LRP1B: variants seen among roughly 807,000 people sequenced by gnomAD.
LRP1B encodes LDL receptor related protein 1B, also known as low-density lipoprotein receptor-related protein 1B.
In LRP1B, 217 loss-of-function variants were observed where a neutral mutation model predicts 556.6. That is an observed-to-expected ratio of 0.39 (90% CI 0.35 to 0.44). The LOEUF is 0.44. Among genes scored for constraint, LRP1B ranks in the 20% least tolerant of loss-of-function variants. LRP1B has a pLI of 1.00. For synonymous variants in LRP1B, 2,047 were observed against 1,865.8 expected (o/e 1.10, Z -2.50); for missense variants, 5,053 against 5,620.8 (o/e 0.90, Z 3.23).
intron 20 of LRP1B, among the ~76,000 whole-genome samples, chr2:140,939,138 G>T (rs985205700): frequency 4.6e-5 from 7 of 152,026 alleles, no homozygotes; most frequent in Non-Finnish European, 8.8e-5. Context: ...TGGATTCTGA[G>T]AGTCTAATCA....
intron 1 of LRP1B, among the ~76,000 whole-genome samples, chr2:142,109,521 G>A (rs569456018): frequency 6.6e-6 from 1 of 152,104 alleles, no homozygotes; most frequent in Admixed American, 6.6e-5. Context: ...CATAACTTGG[G>A]TACTTCTGAT....
At chr2:140,565,346 T>C (rs776175752) in intron 43 of LRP1B, among the ~76,000 whole-genome samples, 5 of 151,882 alleles carry the variant, frequency 3.3e-5, no homozygotes, top group Non-Finnish European at 5.9e-5. Flanking sequence ...TTAACCCATG[T>C]AATAATAAAA....
At chr2:140,691,323 T>C (rs1394169454) in intron 41 of LRP1B, among the ~76,000 whole-genome samples, 2 of 151,826 alleles carry the variant, frequency 1.3e-5, no homozygotes, top group South Asian at 2.1e-4. Flanking sequence ...AATACAAAAT[T>C]AGTCAGGCGT....
chr2:140,979,107 G>C (rs897217804), intron 18 of LRP1B, among the ~76,000 whole-genome samples: 1 of 152,086 alleles, frequency 6.6e-6, no homozygotes, highest in Non-Finnish European at 1.5e-5. Flanking sequence ...AGCCTCTCGA[G>C]TAGCTGGGAT....
intron 6 of LRP1B, among the ~76,000 whole-genome samples, chr2:141,193,821 G>A (rs1214414727): frequency 6.6e-6 from 1 of 151,248 alleles, no homozygotes; most frequent in Non-Finnish European, 1.5e-5. Flanking sequence ...TCTTTTTTAT[G>A]TCATTCTGAA....
intron 41 of LRP1B, among the ~76,000 whole-genome samples, chr2:140,633,699 C>A (rs1433843987): frequency 1.3e-5 from 2 of 151,924 alleles, no homozygotes; most frequent in African/African-American, 2.4e-5. Flanking sequence ...AATATTTAGT[C>A]CCATAAATTT....
rs144454893 is a variant in LRP1B, at chr2:140,487,738, C to A, written c.9122G>T (p.Gly3041Val). ...DGSNYTLLKQGLNNVIAIDFD... is the reference protein window; with the variant it reads ...DGSNYTLLKQVLNNVIAIDFD... ...GTCTATAGCAATAACATTGTTTAAT[C>A]CCTGAAAATAAAAAAGACTATGTTG... The change falls in exon 58 of 91, where the codon GGA becomes GTA. Residue 3041 changes from glycine to valine, a missense_variant and splice_region_variant. Physicochemically the swap from Gly to Val is moderately radical, Grantham distance 109. Transcript: ENST00000389484. 1.3e-5 allele frequency: 20 copies of A among 1,515,712 alleles called. No homozygotes were observed. In the East Asian group the frequency reaches 2.8e-4, roughly 21 times the overall value. 93.9% of individuals were successfully genotyped at this position (1,515,712 alleles called of 1,614,324 possible).
intron 18 of LRP1B, among the ~76,000 whole-genome samples, chr2:140,981,465 C>T (rs12464969): frequency 0.33 from 50,189 of 151,854 alleles, 8,842 homozygotes; most frequent in East Asian, 0.58. Context: ...GAAAGCCTGG[C>T]TCATTCTGTT....
intron 6 of LRP1B, among the ~76,000 whole-genome samples, chr2:141,202,746 A>AT (rs58054121): frequency 0.78 from 118,614 of 151,780 alleles, 47,520 homozygotes; most frequent in Non-Finnish European, 0.86. Flanking sequence ...TTTTTGCCCA[A>AT]TTTTTTTATT....
chr2:141,544,330 TCTTCTTCTTCTTC>T (rs1559131063), intron 2 of LRP1B, among the ~76,000 whole-genome samples: 3 of 43,036 alleles, frequency 7.0e-5, no homozygotes, highest in East Asian at 6.7e-4. Flanking sequence ...TTCTTCTTCT[TCTTCTTCTTCTTC>T]TTCTTCTTCT....
intron 7 of LRP1B, among the ~76,000 whole-genome samples, chr2:141,179,881 G>A (rs1376488503): frequency 7.8e-6 from 1 of 128,594 alleles, no homozygotes; most frequent in Non-Finnish European, 1.6e-5. Context: ...AAAGCTGAAT[G>A]TTGGTTTTTC....
chr2:140,494,401 C>A (rs1688826082), intron 56 of LRP1B, among the ~76,000 whole-genome samples: 1 of 151,800 alleles, frequency 6.6e-6, no homozygotes, highest in Non-Finnish European at 1.5e-5. Flanking sequence ...ACAATGGGCT[C>A]CAATCCTGGT....
chr2:140,392,358 G>C (rs1684060616), intron 66 of LRP1B, among the ~76,000 whole-genome samples: 4 of 152,152 alleles, frequency 2.6e-5, no homozygotes, highest in African/African-American at 7.2e-5. Context: ...GCAGGGGACA[G>C]AAGATCATCC....
chr2:141,418,297 C>A (rs533877768), intron 3 of LRP1B, among the ~76,000 whole-genome samples: 6 of 152,132 alleles, frequency 3.9e-5, no homozygotes, highest in Non-Finnish European at 7.4e-5. Context: ...GTATTATATT[C>A]AAAAAATCAT....
intron 1 of LRP1B, among the ~76,000 whole-genome samples, chr2:141,886,979 TGGG>T (rs1699140529): frequency 6.9e-6 from 1 of 145,124 alleles, no homozygotes; most frequent in Non-Finnish European, 1.5e-5. Flanking sequence ...TTTTTTTTTT[TGGG>T]TTTTTTGTTT....
Position 140,506,937 on chromosome 2 carries a change from A to G in LRP1B, c.8399-19T>C. 1 of 1,612,576 alleles carries G rather than the reference A, an allele frequency of 6.2e-7. No individual in the cohort carries two copies. Among genetic ancestry groups the G allele is most frequent in the Admixed American group, 1.7e-5 (1 of 59,796 alleles). ...TTGGGAGCTAAGAAAGGCATCACAA[A>G]AAATAAAGTTAGATGAGCACATATG... On this transcript the variant is annotated intron_variant, in intron 52 of 90. Transcript: ENST00000389484.
chr2:141,465,276 G>T (rs891984650), intron 3 of LRP1B, among the ~76,000 whole-genome samples: 1 of 151,956 alleles, frequency 6.6e-6, no homozygotes, highest in Non-Finnish European at 1.5e-5. Flanking sequence ...AATAAAGACT[G>T]AAAAAGTGTG....
At chr2:141,910,061 A>G (rs1699866701) in intron 1 of LRP1B, among the ~76,000 whole-genome samples, 1 of 150,688 alleles carries the variant, frequency 6.6e-6, no homozygotes, top group Admixed American at 6.6e-5. Flanking sequence ...GTAAGACTAA[A>G]TATTTAAAAT....
intron 57 of LRP1B, among the ~76,000 whole-genome samples, chr2:140,492,226 C>T (rs1688729183): frequency 6.6e-6 from 1 of 152,030 alleles, no homozygotes; most frequent in Non-Finnish European, 1.5e-5. Context: ...TTATAAAAAG[C>T]AGTGGAGGAA....
Sources: allele counts gnomAD v4.1 joint callset (sites outside exome capture counted in the v4.1 genomes callset), GRCh38; gene constraint gnomAD v4.1.1; transcripts MANE v1.5; gene names NCBI Gene and HGNC (gene_info 2026-07-23, HGNC 2026-07-21).